Variants in INPP5A observed in about 807,000 individuals in gnomAD.
The protein encoded by INPP5A is 43 kDa inositol polyphosphate 5-phophatase.
Under a neutral mutation model 65.2 loss-of-function variants are expected in INPP5A, and 14 were observed. The ratio of observed to expected loss-of-function variants is 0.21; its 90% confidence interval spans 0.14 to 0.34. The LOEUF is 0.34. Among genes scored for constraint, INPP5A ranks in the 10% least tolerant of loss-of-function variants. The pLI, the probability that INPP5A is intolerant of heterozygous loss-of-function variation, is 1.00. For synonymous variants in INPP5A, 207 were observed against 208.3 expected (o/e 0.99, Z 0.05); for missense variants, 431 against 545.6 (o/e 0.79, Z 2.09).
chr10:132,703,713 C>A (rs1267440302), intron 6 of INPP5A, among the ~76,000 whole-genome samples: 3 of 103,836 alleles, frequency 2.9e-5, no homozygotes, highest in Middle Eastern at 6.4e-3. Flanking sequence ...TTCACCCCCC[C>A]CACACACTCA....
chr10:132,542,240 G>A (rs551063493), intron 1 of INPP5A, among the ~76,000 whole-genome samples: 6 of 152,338 alleles, frequency 3.9e-5, no homozygotes, highest in East Asian at 1.9e-4. Flanking sequence ...GTCAGCTCCC[G>A]GGCAGCCCTG....
rs996837575 is a variant in INPP5A at position 132,762,881 on chromosome 10, C to T, written c.904-2892C>T. 5.3e-5 allele frequency among the ~76,000 whole-genome samples: 8 copies of T among 152,010 alleles called. No homozygotes were observed. The highest frequency in any genetic ancestry group is 8.8e-5 in the Non-Finnish European group (6 of 68,016). On this transcript the variant is annotated intron_variant, in intron 11 of 15. Transcript: ENST00000368594. This position sits in a 1 kb window ranked among gnomAD's most constrained non-coding sequence, Gnocchi z 4.6. The stretch of plus-strand genomic sequence containing the variant: ...GCACACGCCTGTAATTCCATCTGCT[C>T]GGGAGGCTGAGGCAGGAGAATCACT...
chr10:132,710,974 G>A (rs7068537), intron 8 of INPP5A, among the ~76,000 whole-genome samples: 5,209 of 152,252 alleles, frequency 0.034, 285 homozygotes, highest in African/African-American at 0.12. Context: ...TTTGCCGATG[G>A]GCCTTACTGG....
chr10:132,695,683 A>G (rs141748154), intron 5 of INPP5A, among the ~76,000 whole-genome samples: 17 of 152,384 alleles, frequency 1.1e-4, no homozygotes, highest in Non-Finnish European at 1.6e-4. Flanking sequence ...ACAGAAATCA[A>G]TTGCTTTCCT....
At chr10:132,766,417 C>A (rs952981749) in intron 12 of INPP5A, among the ~76,000 whole-genome samples, 5 of 152,148 alleles carry the variant, frequency 3.3e-5, no homozygotes, top group Non-Finnish European at 7.3e-5. Flanking sequence ...CCTCCAAATG[C>A]AGTGTGTCTA....
chr10:132,666,179 A>G (rs1307458565), intron 4 of INPP5A, among the ~76,000 whole-genome samples: 1 of 152,082 alleles, frequency 6.6e-6, no homozygotes, highest in Non-Finnish European at 1.5e-5. Context: ...GACTGTTATA[A>G]TGCATCATTA....
intron 4 of INPP5A, among the ~76,000 whole-genome samples, chr10:132,685,571 G>T (rs919672143): frequency 3.7e-4 from 57 of 152,360 alleles, no homozygotes; most frequent in Non-Finnish European, 5.3e-4. Context: ...TTGCGGAAAT[G>T]ATAAATTACC....
At chr10:132,733,932 A>C (rs967697813) in intron 9 of INPP5A, among the ~76,000 whole-genome samples, 1 of 152,194 alleles carries the variant, frequency 6.6e-6, no homozygotes, top group African/African-American at 2.4e-5. Context: ...GCTCCTTAGC[A>C]CACACATCCT....
chr10:132,685,975 G>A (rs1385613682), intron 4 of INPP5A, among the ~76,000 whole-genome samples: 1 of 152,238 alleles, frequency 6.6e-6, no homozygotes, highest in Non-Finnish European at 1.5e-5. Context: ...AGCCGCCCCT[G>A]TGAGAGGCAC....
chr10:132,561,685 C>T (rs1425815019), intron 1 of INPP5A, among the ~76,000 whole-genome samples: 2 of 149,980 alleles, frequency 1.3e-5, no homozygotes, highest in Non-Finnish European at 3.0e-5. Flanking sequence ...GGTGTCCTTC[C>T]ATTTCTGTTT....
At chr10:132,770,410 G>A (rs537240758) in intron 12 of INPP5A, among the ~76,000 whole-genome samples, 14 of 152,396 alleles carry the variant, frequency 9.2e-5, no homozygotes, top group Admixed American at 2.6e-4. Flanking sequence ...CTCCCTCTTT[G>A]TCTGTGTGGA....
At chr10:132,748,965 G>A (rs1043558694) in intron 9 of INPP5A, among the ~76,000 whole-genome samples, 1 of 152,212 alleles carries the variant, frequency 6.6e-6, no homozygotes, top group Non-Finnish European at 1.5e-5. Flanking sequence ...CCCAGCCTGC[G>A]CCCCAGGGAC....
chr10:132,653,994 G>A (rs1217546056), intron 4 of INPP5A, among the ~76,000 whole-genome samples: 2 of 152,256 alleles, frequency 1.3e-5, no homozygotes, highest in African/African-American at 4.8e-5. Flanking sequence ...TCCCAATTAC[G>A]TCTCTGAGAT....
At position 132,555,290 on chromosome 10, in the gene INPP5A, T is replaced by C. The variant is rs2071112108; in HGVS notation, c.75+17119T>C. On this transcript the variant is annotated intron_variant, in intron 1 of 15. Coordinates refer to ENST00000368594, the MANE Select transcript of INPP5A (RefSeq NM_005539.5). This position sits in a 1 kb window ranked among gnomAD's most constrained non-coding sequence, Gnocchi z 4.4. ...GGGAAGGGCGCTCCTGATCCCTCTG[T>C]GAGACCAGTGAGAAGATGTCGTAGG... Among the ~76,000 whole-genome samples, 1 of 152,024 alleles carries C rather than the reference T, an allele frequency of 6.6e-6. No homozygotes were observed.
At chr10:132,709,013 T>G (rs1845588195) in intron 7 of INPP5A, among the ~76,000 whole-genome samples, 1 of 151,926 alleles carries the variant, frequency 6.6e-6, no homozygotes, top group Non-Finnish European at 1.5e-5. Flanking sequence ...TCTGCTGCCA[T>G]GTAACAGACC....
At chr10:132,630,545 A>G (rs1357040781) in intron 2 of INPP5A, among the ~76,000 whole-genome samples, 2 of 147,648 alleles carry the variant, frequency 1.4e-5, no homozygotes, top group Admixed American at 1.3e-4. Flanking sequence ...TGAGGGAAAG[A>G]TGTCCATGAG....
intron 4 of INPP5A, among the ~76,000 whole-genome samples, chr10:132,667,241 G>A (rs916026171): frequency 1.3e-5 from 2 of 152,196 alleles, no homozygotes; most frequent in Non-Finnish European, 2.9e-5. Flanking sequence ...GTTGGAGCTC[G>A]GCTGTTTAAT....
chr10:132,601,140 T>C (rs1450615249), intron 1 of INPP5A, among the ~76,000 whole-genome samples: 2 of 152,208 alleles, frequency 1.3e-5, no homozygotes, highest in Non-Finnish European at 2.9e-5. Context: ...ATCCCAACAC[T>C]TATTATTTTC....
intron 2 of INPP5A, among the ~76,000 whole-genome samples, chr10:132,619,504 A>G (rs973869624): frequency 3.7e-4 from 57 of 152,088 alleles, no homozygotes; most frequent in Non-Finnish European, 6.8e-4. Context: ...CTGCCAGTGG[A>G]TATACCATTT....
Sources: gnomAD v4.1 joint callset for allele counts (sites outside exome capture counted in the v4.1 genomes callset) on GRCh38, gnomAD v4.1.1 for gene constraint, Gnocchi (gnomAD v3.1) non-coding constraint, MANE v1.5 for transcripts, NCBI Gene and HGNC (gene_info 2026-07-23, HGNC 2026-07-21) for gene names.